Variants in ASIC2 observed in about 807,000 individuals in gnomAD.
The protein encoded by ASIC2 is acid-sensing ion channel 2.
Under a neutral mutation model 57.3 loss-of-function variants are expected in ASIC2, and 25 were observed. That is an observed-to-expected ratio of 0.44 (90% CI 0.32 to 0.61). The LOEUF is 0.61. ASIC2 is among the 20% of genes least tolerant of loss of function. ASIC2 has a pLI of 0.06. For synonymous variants in ASIC2, 319 were observed against 307.5 expected (o/e 1.04, Z -0.39); for missense variants, 641 against 738.1 (o/e 0.87, Z 1.52).
intron 1 of ASIC2, among the ~76,000 whole-genome samples, chr17:33,390,527 A>G (rs943743076): frequency 2.6e-5 from 4 of 152,168 alleles, no homozygotes; most frequent in Middle Eastern, 3.2e-3. Context: ...GAATCCAGAA[A>G]TGGCTTAGTT....
intron 1 of ASIC2, among the ~76,000 whole-genome samples, chr17:34,102,951 CTGA>C (rs757734273): frequency 6.6e-6 from 1 of 152,186 alleles, no homozygotes; most frequent in Non-Finnish European, 1.5e-5. Context: ...TTGTTGTGAG[CTGA>C]TATTTCATTG....
chr17:33,297,637 A>G (rs986300786), upstream of ASIC2, among the ~76,000 whole-genome samples: 8 of 152,052 alleles, frequency 5.3e-5, no homozygotes, highest in African/African-American at 1.9e-4. Flanking sequence ...AGCCTGGGCA[A>G]CATGGCAAAA....
At chr17:33,906,760 G>T (rs751080912) in intron 1 of ASIC2, among the ~76,000 whole-genome samples, 2 of 152,278 alleles carry the variant, frequency 1.3e-5, no homozygotes, top group Middle Eastern at 6.8e-3. Flanking sequence ...GGTGAAAAAG[G>T]ATCTGACATC....
intron 1 of ASIC2, among the ~76,000 whole-genome samples, chr17:34,053,023 A>G (rs1434627452): frequency 6.6e-6 from 1 of 152,018 alleles, no homozygotes; most frequent in East Asian, 1.9e-4. Context: ...CACCAGACCT[A>G]GGCTTGGAGG....
chr17:33,459,165 G>A (rs999697288), intron 1 of ASIC2, among the ~76,000 whole-genome samples: 11 of 151,802 alleles, frequency 7.2e-5, no homozygotes, highest in African/African-American at 1.2e-4. Flanking sequence ...ACATGGTTTC[G>A]TCTGTGCTAA....
chr17:34,151,061 C>T (rs1444978906), intron 1 of ASIC2, among the ~76,000 whole-genome samples: 1 of 138,992 alleles, frequency 7.2e-6, no homozygotes, highest in Admixed American at 7.7e-5. Context: ...TAAGATCGCA[C>T]AACTGCACTC....
intron 1 of ASIC2, among the ~76,000 whole-genome samples, chr17:33,528,336 A>G (rs985556278): frequency 4.6e-5 from 7 of 152,132 alleles, no homozygotes; most frequent in Admixed American, 4.6e-4. Context: ...TTAACACCCC[A>G]CCAGACCCCT....
intron 1 of ASIC2, among the ~76,000 whole-genome samples, chr17:33,380,641 C>G (rs1909455890): frequency 6.6e-6 from 1 of 152,244 alleles, no homozygotes; most frequent in Non-Finnish European, 1.5e-5. Context: ...TGGTTGATCC[C>G]TCTGCTGCCT....
At chr17:33,873,658 G>C (rs1395097392) in intron 1 of ASIC2, among the ~76,000 whole-genome samples, 1 of 152,168 alleles carries the variant, frequency 6.6e-6, no homozygotes, top group African/African-American at 2.4e-5. Context: ...TTAAAACGGG[G>C]TAATACCATG....
chr17:33,693,707 G>T (rs1908443185), intron 1 of ASIC2, among the ~76,000 whole-genome samples: 1 of 152,132 alleles, frequency 6.6e-6, no homozygotes, highest in African/African-American at 2.4e-5. Context: ...CCCTATTGCA[G>T]CTCACTTAGA....
intron 1 of ASIC2, among the ~76,000 whole-genome samples, chr17:33,256,581 A>C (rs2142139192): frequency 6.6e-6 from 1 of 152,334 alleles, no homozygotes; most frequent in Admixed American, 6.5e-5. Context: ...CAGCACTCAC[A>C]CCTGTTTTTC....
chr17:33,422,558 T>C (rs1470278418), intron 1 of ASIC2, among the ~76,000 whole-genome samples: 1 of 152,158 alleles, frequency 6.6e-6, no homozygotes, highest in Admixed American at 6.5e-5. Flanking sequence ...GGCGGCTCCA[T>C]GCTGTGCTCC....
chr17:34,086,514 T>C (rs1317030319), intron 1 of ASIC2, among the ~76,000 whole-genome samples: 2 of 152,076 alleles, frequency 1.3e-5, no homozygotes, highest in Non-Finnish European at 2.9e-5. Context: ...ATGTATATTC[T>C]GTTGATTTGG....
chr17:33,651,929 A>G (rs1401118163), intron 1 of ASIC2, among the ~76,000 whole-genome samples: 5 of 152,198 alleles, frequency 3.3e-5, no homozygotes, highest in Non-Finnish European at 2.9e-5. Context: ...TTGGAGGTAG[A>G]TGGGGATGAA....
intron 1 of ASIC2, among the ~76,000 whole-genome samples, chr17:33,858,632 G>A (rs560628567): frequency 3.8e-4 from 58 of 152,362 alleles, no homozygotes; most frequent in Non-Finnish European, 7.5e-4. Context: ...ACTACTGATA[G>A]CCTGCAGCCA....
At chr17:33,667,618 C>T (rs539047215) in intron 1 of ASIC2, among the ~76,000 whole-genome samples, 3 of 152,274 alleles carry the variant, frequency 2.0e-5, no homozygotes, top group Non-Finnish European at 4.4e-5. Flanking sequence ...GTCATTTAAC[C>T]TTTATGAAAA....
intron 1 of ASIC2, among the ~76,000 whole-genome samples, chr17:34,046,834 G>C (rs7208459): frequency 0.12 from 18,665 of 152,134 alleles, 1,225 homozygotes; most frequent in South Asian, 0.19. Flanking sequence ...CAGGCCTGGG[G>C]GGTAGGCTTC....
At chr17:34,007,241 G>T (rs1222574138) in intron 1 of ASIC2, among the ~76,000 whole-genome samples, 1 of 152,168 alleles carries the variant, frequency 6.6e-6, no homozygotes, top group African/African-American at 2.4e-5. Flanking sequence ...ACACTTACTT[G>T]TCAAAAAGGG....
intron 1 of ASIC2, among the ~76,000 whole-genome samples, chr17:33,346,645 C>G (rs1367556709): frequency 6.6e-6 from 1 of 152,124 alleles, no homozygotes; most frequent in Non-Finnish European, 1.5e-5. Flanking sequence ...AGATATCAAG[C>G]AGGCCACTGG....
Sources: allele counts gnomAD v4.1 joint callset (sites outside exome capture counted in the v4.1 genomes callset), GRCh38; gene constraint gnomAD v4.1.1; transcripts MANE v1.5; gene names NCBI Gene and HGNC (gene_info 2026-07-23, HGNC 2026-07-21).